Variants in ERO1A observed in about 807,000 individuals in gnomAD.
ERO1A encodes endoplasmic reticulum oxidoreductase 1 alpha.
Under a neutral mutation model 76.9 loss-of-function variants are expected in ERO1A, and 49 were observed. That is an observed-to-expected ratio of 0.64 (90% CI 0.51 to 0.81). ERO1A has a LOEUF of 0.81. Ranked by LOEUF, ERO1A falls within the 30% of genes least tolerant of loss-of-function variation. The probability of loss-of-function intolerance (pLI) is 0.00; values close to 1 mark genes in which losing one functional copy is unlikely to be tolerated. For missense variants in ERO1A, 448 were observed against 542.1 expected, an observed-to-expected ratio of 0.83 and a Z score of 1.72; for synonymous variants, 174 against 181.2, an observed-to-expected ratio of 0.96 and a Z score of 0.32.
At chr14:52,695,235 A>C in intron 1 of ERO1A, 133 bp downstream of exon 1, 1 of 575,652 alleles carries the variant, frequency 1.7e-6, no homozygotes, top group Admixed American at 4.3e-5. Flanking sequence ...ACCGGGCAGC[A>C]GCACCGGAGT....
At chr14:52,656,527 A>G (rs1336578637) in intron 11 of ERO1A, among the ~76,000 whole-genome samples, 2 of 152,040 alleles carry the variant, frequency 1.3e-5, no homozygotes, top group Admixed American at 6.6e-5. Flanking sequence ...CCTGGCCAAC[A>G]TGGTGAAACC....
intron 1 of ERO1A, among the ~76,000 whole-genome samples, chr14:52,693,002 CTTT>C (rs559143853): frequency 1.6e-3 from 133 of 85,718 alleles, no homozygotes; most frequent in African/African-American, 5.5e-3. Context: ...AAATAGACAA[CTTT>C]TTTTTTTTTT....
chr14:52,677,987 C>T (rs1404256955), intron 4 of ERO1A, among the ~76,000 whole-genome samples: 2 of 151,432 alleles, frequency 1.3e-5, no homozygotes, highest in African/African-American at 2.4e-5. Flanking sequence ...CTAAACAGGC[C>T]GGACGCGGTG....
At chr14:52,656,021 T>C (rs1345503446) in intron 11 of ERO1A, among the ~76,000 whole-genome samples, 2 of 152,220 alleles carry the variant, frequency 1.3e-5, no homozygotes, top group Non-Finnish European at 2.9e-5. Context: ...ATTGTCAGCA[T>C]TTTTCAAAAC....
intron 13 of ERO1A, among the ~76,000 whole-genome samples, chr14:52,650,834 A>G (rs2039836075): frequency 6.6e-6 from 1 of 152,232 alleles, no homozygotes; most frequent in African/African-American, 2.4e-5. Context: ...TGAGGCAAAT[A>G]CATACTCAGA....
At chr14:52,654,762 T>G (rs1337566982) in intron 11 of ERO1A, among the ~76,000 whole-genome samples, 1 of 152,198 alleles carries the variant, frequency 6.6e-6, no homozygotes, top group Non-Finnish European at 1.5e-5. Context: ...CTAGTTATCT[T>G]TAGTTTTGTT....
In ERO1A at chr14:52,643,568, C is replaced by CTT. The variant is rs1594816647; in HGVS notation, c.1407_*1dup. 4 of 1,478,224 alleles carry CTT rather than the reference C, an allele frequency of 2.7e-6. No individual in the cohort carries two copies. Among genetic ancestry groups the CTT allele is most frequent in the Non-Finnish European group, 3.6e-6 (4 of 1,118,268 alleles). 91.6% of individuals were successfully genotyped at this position (1,478,224 alleles called of 1,614,324 possible). A position where few individuals can be genotyped will look rare whatever the true frequency, so the allele number is the denominator to read the frequency against. On this transcript the variant is annotated 3_prime_UTR_variant, in exon 16 of 16. Coordinates refer to ENST00000395686, the MANE Select transcript of ERO1A (RefSeq NM_014584.3). Reference sequence around the variant, plus strand: ...AAACAGGCACATATCAGCTTGTTTTCTTTAATGAATATTCTGTAACAAGTT... The same window carrying CTT: ...AAACAGGCACATATCAGCTTGTTTTCTTTTTAATGAATATTCTGTAACAAGTT...
Position 52,653,182 on chromosome 14 carries a change from A to G in ERO1A, c.942T>C (p.Ala314=), listed in dbSNP as rs753676845. ...CGAAGAATGGTAACACTTTGGATAA[A>G]GCCCTTAGTTCTATTAAGTAGAGAA... ...LYFLYLIELR[A]LSKVLPFFER... is the part of the protein sequence containing the mutation. The change falls in exon 12 of 16, where the codon GCT becomes GCC. Residue 314 remains alanine (A), a synonymous_variant. Transcript: ENST00000395686. 51 of 1,613,592 alleles carry G rather than the reference A, an allele frequency of 3.2e-5. No individual in the cohort carries two copies. The highest frequency in any genetic ancestry group is 1.6e-4 in the Middle Eastern group (1 of 6,078).
intron 15 of ERO1A, among the ~76,000 whole-genome samples, chr14:52,645,951 G>A (rs955980028): frequency 5.3e-5 from 8 of 152,022 alleles, no homozygotes; most frequent in Non-Finnish European, 1.2e-4. Flanking sequence ...TGGGAGAATC[G>A]CTTGAACCCA....
At position 52,659,054 on chromosome 14, in the gene ERO1A, T is replaced by C. The variant is rs545511710; in HGVS notation, c.689-904A>G. Among the ~76,000 whole-genome samples, 26 of 152,202 alleles carry C rather than the reference T, an allele frequency of 1.7e-4. 1 individual carries two copies. The South Asian group carries it at 5.2e-3, about 30-fold the overall frequency. ...AATATATAAAAACTCAAAACATCTA[T>C]TTGTCAGAACACTTCATAAACAAAA... On this transcript the variant is annotated intron_variant, in intron 9 of 15. Transcript: ENST00000395686.
chr14:52,681,816 G>T lies in ERO1A; in HGVS notation c.318+509C>A, dbSNP rs1281951796. Among the ~76,000 whole-genome samples, 6 of 152,018 alleles carry T rather than the reference G, an allele frequency of 3.9e-5. No homozygotes were observed. In the South Asian group the frequency reaches 1.2e-3, roughly 32 times the overall value. On this transcript the variant is annotated intron_variant, in intron 3 of 15. Transcript: ENST00000395686. ...AAACACACCCGAAAAAAGAGGGGGG[G>T]AATTTTGTTTATACTTCGATTAATT...
chr14:52,679,126 C>A (rs1187519249), intron 3 of ERO1A, among the ~76,000 whole-genome samples: 1 of 152,130 alleles, frequency 6.6e-6, no homozygotes, highest in African/African-American at 2.4e-5. Context: ...AGAAGCCAAG[C>A]AGACGCTGGC....
intron 8 of ERO1A, among the ~76,000 whole-genome samples, chr14:52,662,915 A>G (rs2040274887): frequency 6.6e-6 from 1 of 152,106 alleles, no homozygotes; most frequent in Admixed American, 6.5e-5. Context: ...CATAAATAAT[A>G]ATAAAATAAT....
chr14:52,683,250 C>G (rs1174920373), intron 2 of ERO1A, among the ~76,000 whole-genome samples: 2 of 151,266 alleles, frequency 1.3e-5, no homozygotes, highest in African/African-American at 2.4e-5. Context: ...AGACCCTGAA[C>G]AGATGGCAAC....
At chr14:52,653,464 G>T (rs528667678) in intron 11 of ERO1A, 149 bp from the exon 12 acceptor site, 8 of 521,814 alleles carry the variant, frequency 1.5e-5, no homozygotes, top group African/African-American at 1.2e-4. Context: ...TCACAATTTA[G>T]CCTTTAATAG....
intron 1 of ERO1A, 22 bp downstream of exon 1, chr14:52,695,346 C>G (rs1594840073): frequency 7.1e-7 from 1 of 1,405,198 alleles, no homozygotes; most frequent in Non-Finnish European, 9.4e-7. Flanking sequence ...GGACCCTCAG[C>G]ACCAACGCGC....
At chr14:52,676,261 C>A (rs887287922) in intron 4 of ERO1A, among the ~76,000 whole-genome samples, 3 of 152,152 alleles carry the variant, frequency 2.0e-5, no homozygotes, top group African/African-American at 7.2e-5. Flanking sequence ...AAGAGCATTA[C>A]CAAACCATAA....
rs2039541054 is a variant in ERO1A at position 52,643,459 on chromosome 14, A to G, written c.*111T>C. On this transcript the variant is annotated 3_prime_UTR_variant, in exon 16 of 16. Coordinates refer to ENST00000395686, the MANE Select transcript of ERO1A (RefSeq NM_014584.3). ...AATATAATTCTCCTTTACAAAAGCA[A>G]CTTTATATAAAATGTTTGGCTTAAG... is the stretch of plus-strand genomic sequence containing the variant. 1 of 673,076 alleles carries G rather than the reference A, an allele frequency of 1.5e-6. No homozygotes were observed. The highest frequency in any genetic ancestry group is 3.4e-5 in the East Asian group (1 of 29,716). 41.7% of individuals were successfully genotyped at this position (673,076 alleles called of 1,614,324 possible).
At chr14:52,678,299 GAGCCATTCAGCATAAAT>G (rs1566644743) in intron 4 of ERO1A, 118 bp downstream of exon 4, 5 of 558,996 alleles carry the variant, frequency 8.9e-6, no homozygotes, top group Non-Finnish European at 1.6e-5. Flanking sequence ...AACAGAAAGA[GAGCCATTCAGCATAAAT>G]ACCTCTCAAG....
Sources: gnomAD v4.1 joint callset for allele counts (sites outside exome capture counted in the v4.1 genomes callset) on GRCh38, gnomAD v4.1.1 for gene constraint, MANE v1.5 for transcripts, NCBI Gene and HGNC (gene_info 2026-07-23, HGNC 2026-07-21) for gene names.